Variants in CTNNA3 observed in about 807,000 individuals in gnomAD.
CTNNA3 encodes the protein catenin alpha-3.
Under a neutral mutation model 95.7 loss-of-function variants are expected in CTNNA3, and 76 were observed. The observed-to-expected ratio is 0.79, with a 90% confidence interval of 0.66 to 0.96. The LOEUF (loss-of-function observed/expected upper bound fraction) is 0.96. Ranked by LOEUF, CTNNA3 falls within the 40% of genes least tolerant of loss-of-function variation. The pLI is 0.00. For missense variants in CTNNA3, 1,191 were observed against 1,089.8 expected, an observed-to-expected ratio of 1.09 and a Z score of -1.31; for synonymous variants, 431 against 374.4, an observed-to-expected ratio of 1.15 and a Z score of -1.74.
In CTNNA3 at chr10:67,181,361, T is replaced by C. The variant is rs183196562; in HGVS notation, c.844-841A>G. On this transcript the variant is annotated intron_variant, in intron 6 of 17. Transcript: ENST00000433211. The stretch of plus-strand genomic sequence containing the variant: ...TAATCTACAGCCTCTTAAGAAAAGA[T>C]GGAAGGTATATGCTGCTCTAAGGGT... 7.2e-4 allele frequency among the ~76,000 whole-genome samples: 110 copies of C among 152,218 alleles called. 1 individual carries two copies. Among genetic ancestry groups the C allele is most frequent in the African/African-American group, 2.6e-3 (106 of 41,544 alleles).
At chr10:66,421,059 T>C (rs1367351267) in intron 11 of CTNNA3, among the ~76,000 whole-genome samples, 2 of 152,144 alleles carry the variant, frequency 1.3e-5, no homozygotes, top group African/African-American at 4.8e-5. Flanking sequence ...GTGGTATATG[T>C]ATACAATGGA....
chr10:66,942,876 T>G (rs964920418), intron 7 of CTNNA3, among the ~76,000 whole-genome samples: 3 of 152,214 alleles, frequency 2.0e-5, no homozygotes, highest in African/African-American at 7.2e-5. Flanking sequence ...GTCTGTGAAA[T>G]GATGGCTAAA....
chr10:67,698,945 T>G (rs1841011059), upstream of CTNNA3, among the ~76,000 whole-genome samples: 1 of 152,162 alleles, frequency 6.6e-6, no homozygotes. Flanking sequence ...AGAAGCCATC[T>G]GGAAGATGTT....
intron 3 of CTNNA3, among the ~76,000 whole-genome samples, chr10:67,558,107 C>G (rs1768218339): frequency 6.6e-6 from 1 of 152,162 alleles, no homozygotes. Flanking sequence ...CATGGCCACT[C>G]TCATACTGCT....
chr10:67,295,495 G>A (rs1839998092), intron 5 of CTNNA3, among the ~76,000 whole-genome samples: 1 of 152,186 alleles, frequency 6.6e-6, no homozygotes, highest in South Asian at 2.1e-4. Context: ...GGGAAGTTAG[G>A]TCAGAGAACA....
intron 7 of CTNNA3, chr10:66,928,219 C>G: frequency 6.2e-7 from 1 of 1,614,150 alleles, no homozygotes; most frequent in Non-Finnish European, 8.5e-7. Context: ...GCTCGTCATC[C>G]TGCTGGTTAT....
chr10:66,433,813 G>A (rs1394083584), intron 11 of CTNNA3, among the ~76,000 whole-genome samples: 1 of 151,942 alleles, frequency 6.6e-6, no homozygotes, highest in Non-Finnish European at 1.5e-5. Flanking sequence ...TTGAGTTAAT[G>A]TTTGTATTAG....
chr10:66,420,498 C>T (rs1462784430), intron 11 of CTNNA3, among the ~76,000 whole-genome samples: 4 of 151,710 alleles, frequency 2.6e-5, no homozygotes, highest in Admixed American at 1.3e-4. Flanking sequence ...TTAGTACAAC[C>T]ACTATTAAAA....
intron 1 of CTNNA3, among the ~76,000 whole-genome samples, chr10:67,649,109 A>G (rs981069371): frequency 3.9e-5 from 6 of 152,176 alleles, no homozygotes; most frequent in Non-Finnish European, 8.8e-5. Flanking sequence ...AAAAGAATTT[A>G]TTTGTTACTC....
At chr10:65,939,466 T>C (rs2077395248) in intron 17 of CTNNA3, among the ~76,000 whole-genome samples, 1 of 152,232 alleles carries the variant, frequency 6.6e-6, no homozygotes, top group Non-Finnish European at 1.5e-5. Flanking sequence ...CTTTAAATTC[T>C]TATGTTTAGT....
In CTNNA3 at chr10:66,431,284, T is replaced by C. The variant is rs1313233658; in HGVS notation, c.1532-51932A>G. Among the ~76,000 whole-genome samples the C allele has an allele frequency of 1.5e-4, 23 of 152,242 alleles. No homozygotes were observed. In the East Asian group the frequency reaches 3.9e-3, roughly 26 times the overall value. On this transcript the variant is annotated intron_variant, in intron 11 of 17. Transcript: ENST00000433211. ...AGGATGTGGAGAAATAGGAACACTTTTATACTGTTGGTGGGACTGTAAACT... is the reference window on the plus strand; with the variant it reads ...AGGATGTGGAGAAATAGGAACACTTCTATACTGTTGGTGGGACTGTAAACT...
At chr10:67,069,469 T>C (rs1856301442) in intron 7 of CTNNA3, among the ~76,000 whole-genome samples, 2 of 152,078 alleles carry the variant, frequency 1.3e-5, no homozygotes, top group African/African-American at 4.8e-5. Context: ...TGTATACATA[T>C]CATGATGGTG....
intron 15 of CTNNA3, among the ~76,000 whole-genome samples, chr10:66,032,073 A>T (rs1326421949): frequency 6.6e-6 from 1 of 152,202 alleles, no homozygotes; most frequent in Non-Finnish European, 1.5e-5. Flanking sequence ...AGCTAAACAT[A>T]AAAGTAGCTA....
At chr10:66,407,859 G>A (rs985190771) in intron 11 of CTNNA3, among the ~76,000 whole-genome samples, 4 of 152,252 alleles carry the variant, frequency 2.6e-5, no homozygotes, top group Non-Finnish European at 2.9e-5. Context: ...GATTACAGGC[G>A]TGAGAAACCA....
chr10:66,471,034 C>T (rs550234762), intron 11 of CTNNA3, among the ~76,000 whole-genome samples: 7 of 151,808 alleles, frequency 4.6e-5, no homozygotes, highest in South Asian at 2.1e-4. Context: ...GGAGAAAAAA[C>T]GGTCATCATC....
intron 7 of CTNNA3, among the ~76,000 whole-genome samples, chr10:66,787,644 G>A (rs936956571): frequency 3.3e-5 from 5 of 152,130 alleles, no homozygotes; most frequent in African/African-American, 1.2e-4. Context: ...GGGAGGAGGG[G>A]CAAGTGACAA....
rs2076957791 is a variant in CTNNA3, at chr10:65,912,662, G to A, written c.*7668C>T. 6.6e-6 allele frequency: 1 copy of A among 151,966 alleles called. No individual in the cohort carries two copies. The highest frequency in any genetic ancestry group is 1.5e-5 in the Non-Finnish European group (1 of 68,016). 9.4% of individuals were successfully genotyped at this position (151,966 alleles called of 1,614,324 possible). On this transcript the variant is annotated 3_prime_UTR_variant, in exon 18 of 18. Transcript: ENST00000433211. ...ATACTATATAACCAAAACAAACCCA[G>A]TGTTACATATGTGAAATAATGCAAT...
At chr10:67,620,905 G>A (rs1001107532) in intron 2 of CTNNA3, among the ~76,000 whole-genome samples, 1 of 87,408 alleles carries the variant, frequency 1.1e-5, no homozygotes, top group Non-Finnish European at 2.0e-5. Flanking sequence ...ATATGTATAT[G>A]TGTGTGTGTG....
chr10:65,948,192 A>G (rs1255880307), intron 17 of CTNNA3, among the ~76,000 whole-genome samples: 1 of 151,512 alleles, frequency 6.6e-6, no homozygotes, highest in East Asian at 1.9e-4. Flanking sequence ...GAGGCAGGAG[A>G]ATGGCATGAC....
Sources: gnomAD v4.1 joint callset for allele counts (sites outside exome capture counted in the v4.1 genomes callset) on GRCh38, gnomAD v4.1.1 for gene constraint, MANE v1.5 for transcripts, NCBI Gene and HGNC (gene_info 2026-07-23, HGNC 2026-07-21) for gene names.